The following PREPL variants were observed in gnomAD, a reference collection of about 807,000 sequenced individuals.
The protein encoded by PREPL is prolyl endopeptidase like, also known as prolyl endopeptidase-like.
PREPL carries 77 observed loss-of-function variants against 70.6 expected under a neutral mutation model. The ratio of observed to expected loss-of-function variants is 1.09; its 90% confidence interval spans 0.91 to 1.32. The LOEUF (loss-of-function observed/expected upper bound fraction) is 1.32. Among genes scored for constraint, PREPL ranks in the 40% most tolerant of loss-of-function variants. The probability of loss-of-function intolerance (pLI) is 0.00; values close to 1 mark genes in which losing one functional copy is unlikely to be tolerated. For synonymous variants in PREPL, 315 were observed against 264.8 expected (o/e 1.19, Z -1.84); for missense variants, 1,002 against 778.2 (o/e 1.29, Z -3.42).
At chr2:44,332,168 G>A (rs957515243) in intron 8 of PREPL, among the ~76,000 whole-genome samples, 2 of 151,666 alleles carry the variant, frequency 1.3e-5, no homozygotes, top group Non-Finnish European at 2.9e-5. Context: ...GGATGGTCTC[G>A]ATCTCCTGAC....
chr2:44,345,192 G>T (rs1675659962), intron 2 of PREPL, among the ~76,000 whole-genome samples: 1 of 152,148 alleles, frequency 6.6e-6, no homozygotes, highest in African/African-American at 2.4e-5. Context: ...GTAATTGATT[G>T]GTTGATATGA....
In PREPL at chr2:44,320,121, T is replaced by C; in HGVS notation, c.*1235A>G. 1 of 1,294,716 alleles carries C rather than the reference T, an allele frequency of 7.7e-7. No homozygotes were observed. The highest frequency in any genetic ancestry group is 1.1e-6 in the Non-Finnish European group (1 of 931,872). 80.2% of individuals were successfully genotyped at this position (1,294,716 alleles called of 1,614,324 possible). ...GGAGCAAGTGTTTTGGGTAAATAAC[T>C]CCTTACAATATATTAAAAATACTTA... On this transcript the variant is annotated 3_prime_UTR_variant, in exon 14 of 14. Transcript: ENST00000409411.
In PREPL at chr2:44,320,663, C is replaced by T; in HGVS notation, c.*693G>A. ...AGGCACCTTTATGAAGAGATGAAGA[C>T]ACTGGCATTTCAGTGGGATTGTAAG... On this transcript the variant is annotated 3_prime_UTR_variant, in exon 14 of 14. Coordinates refer to ENST00000409411, the MANE Select transcript of PREPL (RefSeq NM_001171613.2). The T allele has an allele frequency of 6.4e-7, 1 of 1,574,672 alleles. No individual in the cohort carries two copies. The highest frequency in any genetic ancestry group is 8.7e-7 in the Non-Finnish European group (1 of 1,144,298).
At chr2:44,332,004 T>G (rs971910991) in intron 8 of PREPL, among the ~76,000 whole-genome samples, 2 of 148,786 alleles carry the variant, frequency 1.3e-5, no homozygotes, top group Non-Finnish European at 3.0e-5. Context: ...TGGAGTGCAG[T>G]GGCACGATCT....
intron 1 of PREPL, among the ~76,000 whole-genome samples, chr2:44,360,828 T>C (rs1054514917): frequency 3.3e-5 from 5 of 152,144 alleles, no homozygotes; most frequent in Non-Finnish European, 5.9e-5. Flanking sequence ...ATAATCTAGG[T>C]ATGTTGCACA....
chr2:44,334,690 C>T (rs1308057897), intron 7 of PREPL, among the ~76,000 whole-genome samples: 2 of 152,312 alleles, frequency 1.3e-5, no homozygotes, highest in Admixed American at 1.3e-4. Context: ...GGACTATAGG[C>T]ACCTGCCACC....
intron 1 of PREPL, chr2:44,359,776 G>C: frequency 8.2e-7 from 1 of 1,224,216 alleles, no homozygotes; most frequent in Non-Finnish European, 1.2e-6. Context: ...TGATTTTATA[G>C]GTATGATTAC....
rs1193283296 is a variant in PREPL, at chr2:44,318,093, CTGTTTTTT to C, written c.*3255_*3262del. 1 of 394,548 alleles carries C rather than the reference CTGTTTTTT, an allele frequency of 2.5e-6. No homozygotes were observed. Among genetic ancestry groups the C allele is most frequent in the African/African-American group, 3.0e-5 (1 of 33,118 alleles). The allele number at this position is 394,548 out of a possible 1,614,324, so 24.4% of individuals were successfully genotyped here. A position where few individuals can be genotyped will look rare whatever the true frequency, so the allele number is the denominator to read the frequency against. On this transcript the variant is annotated 3_prime_UTR_variant, in exon 14 of 14. Transcript: ENST00000409411. ...CAATAATACTTAAAGGATCTCAACA[CTGTTTTTT>C]TTTTTTTTTGAGACAGTCTTGCTCC...
In PREPL at chr2:44,343,716, A is replaced by G. The variant is rs147474420; in HGVS notation, c.349+29T>C. On this transcript the variant is annotated intron_variant, in intron 4 of 13. Transcript: ENST00000409411. ...AAAAGTGTTACCGTTGCCTTTCAAC[A>G]CAGAGGACTATTTTGGTTGGTGGCT... 1,688 of 1,580,404 alleles carry G rather than the reference A, an allele frequency of 1.1e-3. 5 individuals carry two copies. Among genetic ancestry groups the G allele is most frequent in the South Asian group, 4.0e-3 (357 of 90,092 alleles).
intron 1 of PREPL, among the ~76,000 whole-genome samples, chr2:44,353,526 T>C (rs1676678728): frequency 6.6e-6 from 1 of 151,626 alleles, no homozygotes; most frequent in Non-Finnish European, 1.5e-5. Flanking sequence ...AGGCAGAGGT[T>C]GCAGTGAGCT....
intron 7 of PREPL, 84 bp from the exon 8 acceptor site, chr2:44,332,740 G>T: frequency 9.3e-7 from 1 of 1,073,738 alleles, no homozygotes; most frequent in Non-Finnish European, 1.3e-6. Context: ...CTCCAAACAA[G>T]ATGATGTGGA....
At chr2:44,329,146 G>C in intron 8 of PREPL, 34 bp from the exon 9 acceptor site, 1 of 1,521,038 alleles carries the variant, frequency 6.6e-7, no homozygotes. Flanking sequence ...ATGTAAAGAA[G>C]AGTCTTTTAT....
At chr2:44,341,983 G>C (rs1572890929) in intron 5 of PREPL, among the ~76,000 whole-genome samples, 1 of 151,954 alleles carries the variant, frequency 6.6e-6, no homozygotes, top group African/African-American at 2.4e-5. Context: ...CAGGAACAAG[G>C]GGTTTTAGTT....
intron 1 of PREPL, chr2:44,359,493 A>G (rs753010617): frequency 1.9e-6 from 3 of 1,594,856 alleles, no homozygotes; most frequent in African/African-American, 1.3e-5. Flanking sequence ...TAAACAGTCC[A>G]TACCTTACAT....
At chr2:44,333,209 T>C (rs1012583445) in intron 7 of PREPL, among the ~76,000 whole-genome samples, 1 of 152,222 alleles carries the variant, frequency 6.6e-6, no homozygotes, top group African/African-American at 2.4e-5. Context: ...AGGCTAACCA[T>C]TGTGCAGAAC....
chr2:44,327,015 T>C (rs1241038740), intron 9 of PREPL, 87 bp from the exon 10 acceptor site: 47 of 1,111,842 alleles, frequency 4.2e-5, no homozygotes, highest in Non-Finnish European at 6.0e-5. Flanking sequence ...GGAGGCCTGT[T>C]TTTTGTGTGG....
In PREPL at chr2:44,319,790, C is replaced by T. The variant is rs1672770002; in HGVS notation, c.*1566G>A. ...ACATTAGTCTACAAAGGGGAACAAA[C>T]CCAAATTCCTCAGAAGTCTGAGTCC... On this transcript the variant is annotated 3_prime_UTR_variant, in exon 14 of 14. Coordinates refer to ENST00000409411, the MANE Select transcript of PREPL (RefSeq NM_001171613.2). 5.6e-6 allele frequency: 1 copy of T among 178,860 alleles called. No homozygotes were observed. Among genetic ancestry groups the T allele is most frequent in the Non-Finnish European group, 1.2e-5 (1 of 83,914 alleles). The allele number at this position is 178,860 out of a possible 1,614,324, so 11.1% of individuals were successfully genotyped here. A position where few individuals can be genotyped will look rare whatever the true frequency, so the allele number is the denominator to read the frequency against.
intron 6 of PREPL, 149 bp downstream of exon 6, chr2:44,338,998 A>G (rs1360812173): frequency 7.9e-7 from 1 of 1,269,898 alleles, no homozygotes; most frequent in Non-Finnish European, 1.1e-6. Flanking sequence ...TAGAGGCATT[A>G]GCTCTAAGGG....
At chr2:44,359,438 T>C in intron 1 of PREPL, 5 of 1,282,488 alleles carry the variant, frequency 3.9e-6, no homozygotes, top group Non-Finnish European at 5.5e-6. Flanking sequence ...CCATTCTTTA[T>C]TTTTAAATTA....
Sources: allele counts gnomAD v4.1 joint callset (sites outside exome capture counted in the v4.1 genomes callset), GRCh38; gene constraint gnomAD v4.1.1; transcripts MANE v1.5; gene names NCBI Gene and HGNC (gene_info 2026-07-23, HGNC 2026-07-21).